The following ASIC2 variants were observed in gnomAD, a reference collection of about 807,000 sequenced individuals.
ASIC2 encodes the protein acid sensing ion channel subunit 2.
A neutral mutation model predicts 57.3 loss-of-function variants in ASIC2; 25 were observed. The observed-to-expected ratio is 0.44, with a 90% CI of 0.32 to 0.61. ASIC2 has a LOEUF of 0.61. Among genes scored for constraint, ASIC2 ranks in the 20% least tolerant of loss-of-function variants. ASIC2 has a pLI of 0.06. For synonymous variants in ASIC2, 319 were observed against 307.5 expected, an observed-to-expected ratio of 1.04 and a Z score of -0.39; for missense variants, 641 against 738.1, an observed-to-expected ratio of 0.87 and a Z score of 1.52.
intron 1 of ASIC2, among the ~76,000 whole-genome samples, chr17:34,027,573 T>C (rs1907427036): frequency 6.6e-6 from 1 of 152,218 alleles, no homozygotes; most frequent in South Asian, 2.1e-4. Flanking sequence ...TTGCATACTA[T>C]TTCAGTTCAG....
chr17:33,177,295 C>T (rs544023608), intron 1 of ASIC2, among the ~76,000 whole-genome samples: 30 of 151,940 alleles, frequency 2.0e-4, no homozygotes, highest in South Asian at 8.4e-4. Flanking sequence ...TCCAGGAGCC[C>T]GAGATCCACC....
At chr17:34,118,034 G>A (rs539179695) in intron 1 of ASIC2, among the ~76,000 whole-genome samples, 2 of 152,242 alleles carry the variant, frequency 1.3e-5, no homozygotes, top group South Asian at 2.1e-4. Context: ...CTCTTCTTCT[G>A]GTGTCAGGCT....
intron 1 of ASIC2, among the ~76,000 whole-genome samples, chr17:33,464,857 T>C (rs1157022411): frequency 6.6e-6 from 1 of 151,950 alleles, no homozygotes; most frequent in African/African-American, 2.4e-5. Context: ...TAGGCCCCCC[T>C]GAGTCATAGG....
At chr17:34,102,543 T>C (rs1273941522) in intron 1 of ASIC2, among the ~76,000 whole-genome samples, 1 of 152,148 alleles carries the variant, frequency 6.6e-6, no homozygotes, top group Non-Finnish European at 1.5e-5. Context: ...TCCCATTCTA[T>C]AACCTCATAT....
intron 1 of ASIC2, among the ~76,000 whole-genome samples, chr17:33,918,847 C>T (rs1915646125): frequency 6.6e-6 from 1 of 152,182 alleles, no homozygotes; most frequent in African/African-American, 2.4e-5. Flanking sequence ...TGCTACTGTA[C>T]ATGAGTCATG....
intron 1 of ASIC2, among the ~76,000 whole-genome samples, chr17:33,275,635 T>C (rs998710418): frequency 8.5e-5 from 13 of 152,180 alleles, no homozygotes; most frequent in Admixed American, 3.3e-4. Context: ...TACCTTTCCC[T>C]AGAGTTGTGC....
intron 1 of ASIC2, among the ~76,000 whole-genome samples, chr17:33,993,454 G>A (rs370524995): frequency 2.6e-5 from 4 of 152,212 alleles, no homozygotes; most frequent in East Asian, 1.9e-4. Flanking sequence ...CCACATGGCT[G>A]TTATTTTTCT....
At chr17:33,063,402 A>G (rs575982534) in intron 3 of ASIC2, among the ~76,000 whole-genome samples, 1 of 152,212 alleles carries the variant, frequency 6.6e-6, no homozygotes, top group African/African-American at 2.4e-5. Context: ...AAAGTATTTT[A>G]TTTCTCCTTC....
At chr17:34,151,734 C>T (rs1040851996) in intron 1 of ASIC2, among the ~76,000 whole-genome samples, 2 of 152,142 alleles carry the variant, frequency 1.3e-5, no homozygotes, top group Non-Finnish European at 2.9e-5. Flanking sequence ...GTGAGCAAAC[C>T]ACTGGACTGA....
At chr17:33,692,072 A>C (rs1186103434) in intron 1 of ASIC2, among the ~76,000 whole-genome samples, 1 of 152,188 alleles carries the variant, frequency 6.6e-6, no homozygotes, top group Non-Finnish European at 1.5e-5. Flanking sequence ...AAAATCTAGA[A>C]ATAAAATCTT....
chr17:33,824,113 G>A (rs534568765), intron 1 of ASIC2, among the ~76,000 whole-genome samples: 36 of 152,324 alleles, frequency 2.4e-4, no homozygotes, highest in African/African-American at 8.7e-4. Context: ...TCTTATAAGG[G>A]AGAGGAGCAA....
At chr17:33,400,019 T>G (rs1263885823) in intron 1 of ASIC2, among the ~76,000 whole-genome samples, 2 of 152,252 alleles carry the variant, frequency 1.3e-5, no homozygotes, top group Non-Finnish European at 2.9e-5. Flanking sequence ...GAGACCTGTC[T>G]GCACAGGTCT....
At chr17:33,467,356 C>A (rs1912901335) in intron 1 of ASIC2, among the ~76,000 whole-genome samples, 1 of 152,134 alleles carries the variant, frequency 6.6e-6, no homozygotes. Context: ...AAATTATGAG[C>A]TGTCTTGGGG....
intron 3 of ASIC2, among the ~76,000 whole-genome samples, chr17:33,049,132 T>G (rs996659875): frequency 1.3e-5 from 2 of 152,170 alleles, no homozygotes; most frequent in Non-Finnish European, 2.9e-5. Context: ...TGTCCCTTTG[T>G]CTGTAGAAGG....
At chr17:33,215,580 T>G (rs1390258468) in intron 1 of ASIC2, among the ~76,000 whole-genome samples, 2 of 152,218 alleles carry the variant, frequency 1.3e-5, no homozygotes, top group Non-Finnish European at 2.9e-5. Context: ...TCTAAAACAT[T>G]AAGCCTAGAC....
At chr17:34,094,662 G>A (rs1910455658) in intron 1 of ASIC2, among the ~76,000 whole-genome samples, 1 of 152,180 alleles carries the variant, frequency 6.6e-6, no homozygotes, top group African/African-American at 2.4e-5. Context: ...GCTCAACCTT[G>A]CAAATTATCT....
intron 1 of ASIC2, among the ~76,000 whole-genome samples, chr17:33,996,751 T>G (rs1417384704): frequency 6.6e-6 from 1 of 152,230 alleles, no homozygotes; most frequent in Non-Finnish European, 1.5e-5. Flanking sequence ...CTGTTTTGGT[T>G]ACTATAGCTT....
chr17:33,152,603 A>T (rs1567764876), intron 1 of ASIC2, among the ~76,000 whole-genome samples: 2 of 152,164 alleles, frequency 1.3e-5, no homozygotes, highest in Non-Finnish European at 2.9e-5. Context: ...AGAGAGTGCT[A>T]GGAAGGGAGG....
In ASIC2 at chr17:33,360,971, C is replaced by T. The variant is rs145351494; in HGVS notation, c.556-248904G>A. On this transcript the variant is annotated intron_variant, in intron 1 of 9. Coordinates refer to the ASIC2 transcript ENST00000359872. ...CAAAACCCATCAGAAGAACAGTGAG[C>T]CTGCCCTGGGTTTGCAGACCACTTT... Among the ~76,000 whole-genome samples, 148 of 152,256 alleles carry T rather than the reference C, an allele frequency of 9.7e-4. 1 individual carries two copies. The highest frequency in any genetic ancestry group is 3.5e-3 in the African/African-American group (144 of 41,536).
Sources: gnomAD v4.1 joint callset for allele counts (sites outside exome capture counted in the v4.1 genomes callset) on GRCh38, gnomAD v4.1.1 for gene constraint, MANE v1.5 for transcripts, NCBI Gene and HGNC (gene_info 2026-07-23, HGNC 2026-07-21) for gene names.